BMF: variants seen among roughly 807,000 people sequenced by gnomAD.
BMF encodes the protein bcl-2-modifying factor.
Under a neutral mutation model 22.0 loss-of-function variants are expected in BMF, and 10 were observed. The ratio of observed to expected loss-of-function variants is 0.45; its 90% confidence interval spans 0.28 to 0.77. BMF has a LOEUF of 0.77. Ranked by LOEUF, BMF falls within the 30% of genes least tolerant of loss-of-function variation. The pLI is 0.13. For synonymous variants in BMF, 87 were observed against 88.1 expected, an observed-to-expected ratio of 0.99 and a Z score of 0.07; for missense variants, 206 against 226.8, an observed-to-expected ratio of 0.91 and a Z score of 0.59.
chr15:40,104,127 G>C, intron 4 of BMF, 53 bp downstream of exon 4: 7 of 1,603,620 alleles, frequency 4.4e-6, no homozygotes, highest in Middle Eastern at 1.7e-4. Context: ...GGCAGGCCCT[G>C]GCCCCCAAGC....
chr15:40,095,459 G>A (rs1404750953), intron 4 of BMF, among the ~76,000 whole-genome samples: 13 of 152,146 alleles, frequency 8.5e-5, no homozygotes, highest in Non-Finnish European at 1.8e-4. Flanking sequence ...GAGGAGAAGG[G>A]GAAGAGAGGG....
In BMF at chr15:40,106,210, T is replaced by C; in HGVS notation, c.-5-119A>G. ...TCTTATTTGAGCTGGCCGGACCACA[T>C]ACTGATGACATACAACCCTGGTAAT... is the stretch of plus-strand genomic sequence containing the variant. On this transcript the variant is annotated intron_variant, in intron 2 of 4. Transcript: ENST00000354670. This position sits in a 1 kb window ranked among gnomAD's most constrained non-coding sequence, Gnocchi z 4.1. The C allele has an allele frequency of 8.9e-7, 1 of 1,128,670 alleles. No homozygotes were observed. The highest frequency in any genetic ancestry group is 2.6e-5 in the East Asian group (1 of 38,384). 69.9% of individuals were successfully genotyped at this position (1,128,670 alleles called of 1,614,324 possible).
intron 4 of BMF, among the ~76,000 whole-genome samples, chr15:40,092,868 C>T (rs920930977): frequency 5.9e-5 from 9 of 151,994 alleles, no homozygotes; most frequent in Non-Finnish European, 1.2e-4. Flanking sequence ...TGGGCGGGGG[C>T]CTCTCCACAG....
intron 4 of BMF, among the ~76,000 whole-genome samples, chr15:40,093,317 G>A (rs561141131): frequency 2.0e-4 from 30 of 152,320 alleles, no homozygotes; most frequent in Admixed American, 4.6e-4. Context: ...CTTCCCCCGT[G>A]GAAGAGCCTG....
intron 4 of BMF, among the ~76,000 whole-genome samples, chr15:40,092,763 G>A (rs904969899): frequency 1.3e-5 from 2 of 152,090 alleles, no homozygotes; most frequent in Non-Finnish European, 2.9e-5. Flanking sequence ...GCCCACACAG[G>A]TACCATTTCC....
In BMF at chr15:40,106,338, T is replaced by C. The variant is rs2036587223; in HGVS notation, c.-5-247A>G. ...TGGGCCCGCCTGGAACCACCCTTTT[T>C]CTTGATCACGTTTTCTGACCTAGGC... On this transcript the variant is annotated intron_variant, in intron 2 of 4. Coordinates refer to ENST00000354670, the MANE Select transcript of BMF (RefSeq NM_001003940.2). The surrounding 1 kb of genome is among the most constrained non-coding windows in gnomAD (Gnocchi z 4.1). 1 of 408,134 alleles carries C rather than the reference T, an allele frequency of 2.5e-6. No individual in the cohort carries two copies. Among genetic ancestry groups the C allele is most frequent in the Non-Finnish European group, 4.4e-6 (1 of 229,820 alleles). The allele number at this position is 408,134 out of a possible 1,614,324, so 25.3% of individuals were successfully genotyped here. A position where few individuals can be genotyped will look rare whatever the true frequency, so the allele number is the denominator to read the frequency against.
chr15:40,093,025 C>T (rs2140997621), intron 4 of BMF, among the ~76,000 whole-genome samples: 1 of 152,290 alleles, frequency 6.6e-6, no homozygotes, highest in East Asian at 1.9e-4. Flanking sequence ...ACCACAGCAC[C>T]AGCCCCCACC....
intron 4 of BMF, among the ~76,000 whole-genome samples, chr15:40,097,410 T>C (rs1023583400): frequency 1.3e-5 from 2 of 152,208 alleles, no homozygotes; most frequent in Non-Finnish European, 2.9e-5. Flanking sequence ...TACAATATAA[T>C]GGGGAGAAGA....
intron 2 of BMF, among the ~76,000 whole-genome samples, chr15:40,107,572 GTGTA>G (rs759979085): frequency 2.1e-5 from 3 of 144,404 alleles, no homozygotes; most frequent in Admixed American, 2.1e-4. Flanking sequence ...GTGTGTGTGT[GTGTA>G]TGGGGAGGGG....
At position 40,090,654 on chromosome 15, in the gene BMF, C is replaced by G. The variant is rs2036213837; in HGVS notation, c.*1133G>C. Reference sequence around the variant, plus strand: ...TGTACCCAGCTTTGACGGTTCCCCACTCTAATCGTTATCTGTTACTCTAAA... The same window carrying G: ...TGTACCCAGCTTTGACGGTTCCCCAGTCTAATCGTTATCTGTTACTCTAAA... On this transcript the variant is annotated 3_prime_UTR_variant, in exon 5 of 5. Coordinates refer to ENST00000354670, the MANE Select transcript of BMF (RefSeq NM_001003940.2). 1 of 152,298 alleles carries G rather than the reference C, an allele frequency of 6.6e-6. No individual in the cohort carries two copies. Among genetic ancestry groups the G allele is most frequent in the African/African-American group, 2.4e-5 (1 of 41,454 alleles). The allele number at this position is 152,298 out of a possible 1,614,324, so 9.4% of individuals were successfully genotyped here.
chr15:40,104,490 C>A, intron 3 of BMF, 150 bp from the exon 4 acceptor site: 1 of 962,906 alleles, frequency 1.0e-6, no homozygotes, highest in Non-Finnish European at 1.5e-6. Context: ...AGCACTCTGC[C>A]AAGCTTGGAC....
chr15:40,097,536 T>C (rs186056194), intron 4 of BMF, among the ~76,000 whole-genome samples: 247 of 152,306 alleles, frequency 1.6e-3, no homozygotes, highest in African/African-American at 5.8e-3. Flanking sequence ...TATGGGGCGA[T>C]TGGACCATGG....
At position 40,106,017 on chromosome 15, in the gene BMF, T is replaced by C. The variant is rs763277156; in HGVS notation, c.70A>G (p.Thr24Ala). 9.3e-6 allele frequency: 15 copies of C among 1,613,778 alleles called. No homozygotes were observed. The South Asian group carries it at 1.6e-4, about 18-fold the overall frequency. The part of the protein sequence containing the change: ...VFQPEDGEPV[T>A]QPGSLLSADL... ...GCAGAGAGCAAGCTCCCGGGTTGGG[T>C]CACCGGCTCCCCATCCTCTGGTTGG... Residue 24 changes from threonine (T) to alanine (A), a missense_variant, in exon 3 of 5, where the codon ACC becomes GCC. Physicochemically the swap from Thr to Ala is moderately conservative, Grantham distance 58. Coordinates refer to ENST00000354670, the MANE Select transcript of BMF (RefSeq NM_001003940.2). The surrounding 1 kb of genome is among the most constrained non-coding windows in gnomAD (Gnocchi z 4.1).
chr15:40,104,402 T>C, intron 3 of BMF, 62 bp from the exon 4 acceptor site: 3 of 1,585,002 alleles, frequency 1.9e-6, no homozygotes, highest in Non-Finnish European at 2.6e-6. Context: ...TCCCTACGCC[T>C]GCCTGACCTG....
intron 4 of BMF, among the ~76,000 whole-genome samples, chr15:40,101,418 T>C (rs1344119762): frequency 6.6e-6 from 1 of 152,164 alleles, no homozygotes; most frequent in Non-Finnish European, 1.5e-5. Context: ...TCCTGAAAAC[T>C]AGTAGATGGC....
At chr15:40,092,427 C>T (rs1019562789) in intron 4 of BMF, among the ~76,000 whole-genome samples, 2 of 151,628 alleles carry the variant, frequency 1.3e-5, no homozygotes, top group Admixed American at 6.6e-5. Context: ...TGATTTCATC[C>T]AGTGCAAACA....
At chr15:40,092,229 C>A (rs1567030535) in intron 4 of BMF, among the ~76,000 whole-genome samples, 1 of 152,224 alleles carries the variant, frequency 6.6e-6, no homozygotes, top group Admixed American at 6.5e-5. Context: ...CCGAGCCCCT[C>A]AAACCTCAGC....
intron 4 of BMF, among the ~76,000 whole-genome samples, chr15:40,101,781 G>A (rs2036480767): frequency 6.6e-6 from 1 of 152,208 alleles, no homozygotes; most frequent in African/African-American, 2.4e-5. Flanking sequence ...GTGGGGAGGA[G>A]GGGGTTAAAA....
In BMF at chr15:40,106,063, C is replaced by T; in HGVS notation, c.24G>A (p.Glu8=). MEPSQCV[E]ELEDDVFQPE... The stretch of plus-strand genomic sequence containing the variant: ...GTTGGAACACATCATCCTCCAGCTC[C>T]TCCACACACTGAGATGGCTCCATCT... Residue 8 remains glutamate (E), a synonymous_variant, in exon 3 of 5, where the codon GAG becomes GAA. Transcript: ENST00000354670. The surrounding 1 kb of genome is among the most constrained non-coding windows in gnomAD (Gnocchi z 4.1). The T allele has an allele frequency of 1.2e-6, 2 of 1,609,210 alleles. No individual in the cohort carries two copies. The highest frequency in any genetic ancestry group is 1.1e-5 in the South Asian group (1 of 90,574).
Sources: allele counts gnomAD v4.1 joint callset (sites outside exome capture counted in the v4.1 genomes callset), GRCh38; gene constraint gnomAD v4.1.1; non-coding constraint Gnocchi (gnomAD v3.1); transcripts MANE v1.5; gene names NCBI Gene and HGNC (gene_info 2026-07-23, HGNC 2026-07-21).